ASXL3: variants seen among roughly 807,000 people sequenced by gnomAD.
ASXL3 encodes ASXL transcriptional regulator 3, also known as putative Polycomb group protein ASXL3.
ASXL3 carries 34 observed loss-of-function variants against 170.6 expected under a neutral mutation model. That is an observed-to-expected ratio of 0.20 (90% confidence interval 0.15 to 0.27). The LOEUF is 0.27. ASXL3 is among the 10% of genes least tolerant of loss of function. The pLI is 1.00. For missense variants in ASXL3, 2,592 were observed against 2,695.3 expected (o/e 0.96, Z 0.85); for synonymous variants, 1,002 against 989.1 (o/e 1.01, Z -0.24).
intron 3 of ASXL3, 126 bp downstream of exon 3, chr18:33,645,128 G>T: frequency 2.0e-6 from 1 of 494,266 alleles, no homozygotes; most frequent in Non-Finnish European, 3.5e-6. Context: ...GTTTACAGAT[G>T]TCTTAGAAAT....
intron 1 of ASXL3, among the ~76,000 whole-genome samples, chr18:33,606,048 CT>C (rs1453926485): frequency 1.3e-5 from 2 of 151,966 alleles, no homozygotes; most frequent in Non-Finnish European, 2.9e-5. Flanking sequence ...CTTCTGTCAG[CT>C]TTTTGTTTTC....
At chr18:33,733,970 A>G (rs1489612248) in intron 9 of ASXL3, among the ~76,000 whole-genome samples, 1 of 152,034 alleles carries the variant, frequency 6.6e-6, no homozygotes, top group Non-Finnish European at 1.5e-5. Flanking sequence ...TATTTCCAGC[A>G]GACTGATTTC....
chr18:33,633,332 C>CG (rs1457491119), intron 2 of ASXL3, among the ~76,000 whole-genome samples: 1 of 152,090 alleles, frequency 6.6e-6, no homozygotes. Flanking sequence ...TAAATGCAAA[C>CG]TAAGTGTTCT....
intron 5 of ASXL3, among the ~76,000 whole-genome samples, chr18:33,662,509 A>G (rs1485678578): frequency 6.6e-6 from 1 of 152,214 alleles, no homozygotes; most frequent in Non-Finnish European, 1.5e-5. Context: ...GCTCATAGAA[A>G]TAATAGTGAC....
rs376598388 is a variant in ASXL3 at position 33,739,006 on chromosome 18, C to T, written c.1602C>T (p.Ile534=). The T allele has an allele frequency of 1.4e-4, 218 of 1,613,492 alleles. No individual in the cohort carries two copies. The highest frequency in any genetic ancestry group is 1.6e-4 in the Non-Finnish European group (191 of 1,179,758). The part of the protein sequence containing the change: ...ESPQEEMTVV[I]DQLEVCDSLI... ...CCCAGGAAGAAATGACAGTTGTTATCGATCAGTTAGAAGTCTGTGACTCTC... is the reference window on the plus strand; with the variant it reads ...CCCAGGAAGAAATGACAGTTGTTATTGATCAGTTAGAAGTCTGTGACTCTC... Residue 534 remains isoleucine, a synonymous_variant, in exon 11 of 12, where the codon ATC becomes ATT. Coordinates refer to ENST00000269197, the MANE Select transcript of ASXL3 (RefSeq NM_030632.3).
intron 8 of ASXL3, among the ~76,000 whole-genome samples, chr18:33,696,003 A>C (rs990554459): frequency 3.9e-5 from 6 of 152,140 alleles, no homozygotes; most frequent in African/African-American, 1.4e-4. Context: ...AAAAAGAGAC[A>C]GTTTGAGGGG....
chr18:33,700,528 G>GT (rs1164724912), intron 8 of ASXL3, among the ~76,000 whole-genome samples: 1 of 151,950 alleles, frequency 6.6e-6, no homozygotes, highest in Non-Finnish European at 1.5e-5. Flanking sequence ...AGGGAGGAAG[G>GT]TAAGAAGCTT....
At chr18:33,692,630 C>T (rs2066704485) in intron 8 of ASXL3, among the ~76,000 whole-genome samples, 1 of 152,160 alleles carries the variant, frequency 6.6e-6, no homozygotes, top group Non-Finnish European at 1.5e-5. Flanking sequence ...CTCTGATTAA[C>T]TTATTCATGT....
intron 2 of ASXL3, among the ~76,000 whole-genome samples, chr18:33,609,297 T>C (rs2065298036): frequency 6.6e-6 from 1 of 152,128 alleles, no homozygotes; most frequent in South Asian, 2.1e-4. Flanking sequence ...ATGTCTACTG[T>C]CTTATGTGGG....
Position 33,743,219 on chromosome 18 carries a change from C to T in ASXL3, c.3371C>T (p.Ser1124Phe). The stretch of plus-strand genomic sequence containing the variant: ...GCTCGAGCCCATCTCTTCCAGACCT[C>T]TAAAGAGACCCGGTTGCCTCCTCCG... ...HQARAHLFQTSKETRLPPPLS... is the reference protein window; with the variant it reads ...HQARAHLFQTFKETRLPPPLS... The change falls in exon 12 of 12, where the codon TCT becomes TTT. Residue 1124 changes from serine to phenylalanine, a missense_variant. Physicochemically the swap from Ser to Phe is radical, Grantham distance 155. Around this residue, in one of 4 missense-constraint regions of ASXL3, gnomAD observed 2,246 missense variants for 2,219.6 expected, o/e 1.01. Transcript: ENST00000269197. 1 of 1,613,976 alleles carries T rather than the reference C, an allele frequency of 6.2e-7. No homozygotes were observed.
At chr18:33,676,785 G>A (rs1008649061) in intron 7 of ASXL3, among the ~76,000 whole-genome samples, 2 of 152,094 alleles carry the variant, frequency 1.3e-5, no homozygotes, top group Non-Finnish European at 2.9e-5. Context: ...CTCTCTCCTT[G>A]TCTTAGCAAA....
rs572374272 is a variant in ASXL3 at position 33,739,828 on chromosome 18, C to T, written c.2424C>T (p.Pro808=). Reference sequence around the variant, plus strand: ...AGCAGAAGAATCTGTCTAATACTCCCGAACCCATCATAATGAGTTCTTCTT... The same window carrying T: ...AGCAGAAGAATCTGTCTAATACTCCTGAACCCATCATAATGAGTTCTTCTT... The part of the protein sequence containing the change: ...TSQQKNLSNT[P]EPIIMSSSSI... Residue 808 remains proline, a synonymous_variant, in exon 11 of 12, where the codon CCC becomes CCT. Transcript: ENST00000269197. 5.0e-6 allele frequency: 8 copies of T among 1,613,876 alleles called. No individual in the cohort carries two copies. The highest frequency in any genetic ancestry group is 4.5e-5 in the East Asian group (2 of 44,872).
At chr18:33,586,265 T>C (rs1194723441) in intron 1 of ASXL3, among the ~76,000 whole-genome samples, 1 of 152,116 alleles carries the variant, frequency 6.6e-6, no homozygotes, top group Non-Finnish European at 1.5e-5. Context: ...CATCAAATCC[T>C]TGTTGACATA....
intron 5 of ASXL3, among the ~76,000 whole-genome samples, chr18:33,668,505 G>A (rs1308701931): frequency 6.6e-6 from 1 of 151,744 alleles, no homozygotes; most frequent in Non-Finnish European, 1.5e-5. Flanking sequence ...GACACATAAT[G>A]TGTGTCAGTG....
intron 5 of ASXL3, among the ~76,000 whole-genome samples, chr18:33,668,239 A>G (rs964642630): frequency 2.6e-5 from 4 of 152,110 alleles, no homozygotes; most frequent in Non-Finnish European, 4.4e-5. Flanking sequence ...TTGTCTGACC[A>G]ACATAGTGAA....
At chr18:33,736,784 A>G (rs2067555978) in intron 10 of ASXL3, among the ~76,000 whole-genome samples, 2 of 152,276 alleles carry the variant, frequency 1.3e-5, no homozygotes, top group Non-Finnish European at 2.9e-5. Flanking sequence ...TCCTTTGCGT[A>G]GTATGGGGAA....
At chr18:33,645,565 G>T (rs928797053) in intron 3 of ASXL3, among the ~76,000 whole-genome samples, 3 of 151,828 alleles carry the variant, frequency 2.0e-5, no homozygotes, top group African/African-American at 7.3e-5. Context: ...TATTTTAAAG[G>T]CATTCCCATT....
chr18:33,625,087 C>A (rs1342804334), intron 2 of ASXL3, among the ~76,000 whole-genome samples: 2 of 152,020 alleles, frequency 1.3e-5, no homozygotes, highest in Non-Finnish European at 2.9e-5. Flanking sequence ...GGTTAGTGCT[C>A]CTGGGAAACT....
At chr18:33,655,675 A>T (rs1334635513) in intron 4 of ASXL3, among the ~76,000 whole-genome samples, 3 of 152,058 alleles carry the variant, frequency 2.0e-5, no homozygotes, top group African/African-American at 7.2e-5. Context: ...TTGGGGTTAG[A>T]TGGTTTTCCC....
Sources: gnomAD v4.1 joint callset for allele counts (sites outside exome capture counted in the v4.1 genomes callset) on GRCh38, gnomAD v4.1.1 for gene constraint, gnomAD v4.1.1 regional missense constraint, MANE v1.5 for transcripts, NCBI Gene and HGNC (gene_info 2026-07-23, HGNC 2026-07-21) for gene names.